Variants in P3H3 observed in about 807,000 individuals in gnomAD.
P3H3 encodes prolyl 3-hydroxylase 3, also known as gene rich cluster, B.
P3H3 carries 64 observed loss-of-function variants against 78.1 expected under a neutral mutation model. The observed-to-expected ratio is 0.82, with a 90% CI of 0.67 to 1.01. P3H3 has a LOEUF of 1.01. P3H3 is among the 50% of genes least tolerant of loss of function. P3H3 has a pLI of 0.00. For synonymous variants in P3H3, 425 were observed against 416.7 expected (o/e 1.02, Z -0.24); for missense variants, 975 against 982.2 (o/e 0.99, Z 0.10).
At position 6,830,706 on chromosome 12, in the gene P3H3, C is replaced by T. The variant is rs1943441664; in HGVS notation, c.921C>T (p.Arg307=). Residue 307 remains arginine, a synonymous_variant, in exon 4 of 15, where the codon CGC becomes CGT. Transcript: ENST00000290510. ...GGGAAACAGCCACACGCCCTGGTCG[C>T]AGCTTCCCTGTCCCAGACTTCCTTC... The part of the protein sequence containing the change: ...CVGETATRPG[R]SFPVPDFLPN... 3 of 1,613,928 alleles carry T rather than the reference C, an allele frequency of 1.9e-6. No individual in the cohort carries two copies. The East Asian group carries it at 6.7e-5, about 36-fold the overall frequency.
intron 2 of P3H3, 43 bp from the exon 3 acceptor site, chr12:6,830,310 A>G: frequency 1.3e-6 from 2 of 1,547,860 alleles, no homozygotes; most frequent in Non-Finnish European, 1.7e-6. Context: ...CCAGTTTGGC[A>G]ACCCCTGGAT....
intron 9 of P3H3, among the ~76,000 whole-genome samples, chr12:6,834,263 G>A (rs986190176): frequency 4.6e-5 from 7 of 152,192 alleles, no homozygotes; most frequent in Non-Finnish European, 7.3e-5. Context: ...GCTAGAAATT[G>A]ATAGGAAGAA....
chr12:6,831,852 C>T lies in P3H3; in HGVS notation c.1150C>T (p.Leu384=), dbSNP rs1565512066. ...EDIQRFILRS[L]GEKRQLYYAM... is the part of the protein sequence containing the mutation. ...CATCCAGCGCTTCATCCTCCGATCC[C>T]TGGGGGAGAAGAGGCAGCTCTACTA... The change falls in exon 6 of 15, where the codon CTG becomes TTG. Residue 384 remains leucine, a synonymous_variant. Coordinates refer to ENST00000290510, the MANE Select transcript of P3H3 (RefSeq NM_014262.5). This position sits in a 1 kb window ranked among gnomAD's most constrained non-coding sequence, Gnocchi z 4.6. 1 of 1,608,810 alleles carries T rather than the reference C, an allele frequency of 6.2e-7. No homozygotes were observed. The highest frequency in any genetic ancestry group is 8.5e-7 in the Non-Finnish European group (1 of 1,176,948).
At position 6,839,621 on chromosome 12, in the gene P3H3, C is replaced by CA; in HGVS notation, c.*161dup. The stretch of plus-strand genomic sequence containing the variant: ...TTGGGGACCTACAAGGGCCTGGACT[C>CA]AGAGGACAGTGCACAGGCTAGCCTG... On this transcript the variant is annotated 3_prime_UTR_variant, in exon 15 of 15. Transcript: ENST00000290510. The CA allele has an allele frequency of 1.1e-6, 1 of 940,896 alleles. No homozygotes were observed. Among genetic ancestry groups the CA allele is most frequent in the Non-Finnish European group, 1.5e-6 (1 of 647,444 alleles). 58.3% of individuals were successfully genotyped at this position (940,896 alleles called of 1,614,324 possible). A position where few individuals can be genotyped will look rare whatever the true frequency, so the allele number is the denominator to read the frequency against.
intron 6 of P3H3, among the ~76,000 whole-genome samples, chr12:6,832,561 C>T (rs1003288243): frequency 7.9e-5 from 12 of 152,138 alleles, no homozygotes; most frequent in East Asian, 3.9e-4. Flanking sequence ...TGCTTGAGAA[C>T]GACTGGCTAA....
chr12:6,830,505 AGAG>A lies in P3H3; in HGVS notation c.810_812del (p.Glu270del). ...CTGAGGAGCAGCAGGGGGCTGAAGA[AGAG>A]GAGGATGGGGCTGCGAGCCAGGGGG... On this transcript the variant is annotated inframe_deletion, in exon 3 of 15. Coordinates refer to ENST00000290510, the MANE Select transcript of P3H3 (RefSeq NM_014262.5). The A allele has an allele frequency of 1.3e-6, 2 of 1,582,980 alleles. No homozygotes were observed. The highest frequency in any genetic ancestry group is 1.7e-6 in the Non-Finnish European group (2 of 1,165,166).
chr12:6,837,613 G>A, intron 11 of P3H3, 40 bp downstream of exon 11: 1 of 1,601,486 alleles, frequency 6.2e-7, no homozygotes, highest in Non-Finnish European at 8.5e-7. Context: ...CCAACCTCAG[G>A]CCCTGCCCCC....
At chr12:6,832,392 G>T (rs1292001099) in intron 6 of P3H3, among the ~76,000 whole-genome samples, 2 of 152,124 alleles carry the variant, frequency 1.3e-5, no homozygotes, top group African/African-American at 4.8e-5. Context: ...ATAATTCTTT[G>T]TTGGGGCAGA....
Position 6,829,742 on chromosome 12 carries a change from A to T in P3H3, c.499-117A>T, listed in dbSNP as rs1555120995. ...GGCGGTTCTGATTGGCCAGTCTTCC[A>T]TGAGGCTCTGGGGCACCCAGAGTGT... On this transcript the variant is annotated intron_variant, in intron 1 of 14. Coordinates refer to ENST00000290510, the MANE Select transcript of P3H3 (RefSeq NM_014262.5). The surrounding 1 kb of genome is among the most constrained non-coding windows in gnomAD (Gnocchi z 5.1). 9.0e-6 allele frequency: 10 copies of T among 1,105,840 alleles called. No individual in the cohort carries two copies. In the East Asian group the frequency reaches 9.5e-5, roughly 10 times the overall value. The allele number at this position is 1,105,840 out of a possible 1,614,324, so 68.5% of individuals were successfully genotyped here.
Position 6,831,214 on chromosome 12 carries a change from A to T in P3H3, c.986-2A>T. ...CCCCTGACCTTGTCGCTCCCTCTCC[A>T]GTGGGCAATCTGTCCCAGGCTATAG... On this transcript the variant is annotated splice_acceptor_variant, in intron 4 of 14. Transcript: ENST00000290510. LOFTEE classifies it high-confidence loss of function. The surrounding 1 kb of genome is among the most constrained non-coding windows in gnomAD (Gnocchi z 4.6). The T allele has an allele frequency of 5.0e-6, 8 of 1,613,560 alleles. No homozygotes were observed. Among genetic ancestry groups the T allele is most frequent in the Non-Finnish European group, 5.9e-6 (7 of 1,179,740 alleles).
In P3H3 at chr12:6,833,969, C is replaced by T; in HGVS notation, c.1378C>T (p.Gln460Ter). ...EGVTLTQDSR[Q>*]LNGSERAVLD... ...TGTGACCTTGACCCAGGATTCCAGGCAGCTGAATGGGTCGGAGCGGGCGGT... is the reference window on the plus strand; with the variant it reads ...TGTGACCTTGACCCAGGATTCCAGGTAGCTGAATGGGTCGGAGCGGGCGGT... The change falls in exon 9 of 15, where the codon CAG (glutamine) becomes TAG (stop). Residue 460 changes from glutamine to a stop codon, truncating the protein, a stop_gained. Coordinates refer to ENST00000290510, the MANE Select transcript of P3H3 (RefSeq NM_014262.5). LOFTEE classifies it high-confidence loss of function. 1 of 1,613,928 alleles carries T rather than the reference C, an allele frequency of 6.2e-7. No individual in the cohort carries two copies. The highest frequency in any genetic ancestry group is 1.1e-5 in the South Asian group (1 of 91,084).
rs782764637 is a variant in P3H3 at position 6,829,864 on chromosome 12, G to A, written c.504G>A (p.Lys168=). 3 of 1,613,990 alleles carry A rather than the reference G, an allele frequency of 1.9e-6. No homozygotes were observed. The Admixed American group carries it at 5.0e-5, about 27-fold the overall frequency. ...TCCTCCCTTCGCCTCCTCAGTTGAA[G>A]AAGCTGGATCTGGCAGCTGCGGCAG... is the stretch of plus-strand genomic sequence containing the variant. ...NYLQRAYYQL[K]KLDLAAAAAH... is the part of the protein sequence containing the mutation. The change falls in exon 2 of 15, where the codon AAG becomes AAA. Residue 168 remains lysine (K), a synonymous_variant. Coordinates refer to ENST00000290510, the MANE Select transcript of P3H3 (RefSeq NM_014262.5). This position sits in a 1 kb window ranked among gnomAD's most constrained non-coding sequence, Gnocchi z 5.1.
At position 6,839,640 on chromosome 12, in the gene P3H3, T is replaced by G; in HGVS notation, c.*179T>G. Reference sequence around the variant, plus strand: ...TGGACTCAGAGGACAGTGCACAGGCTAGCCTGGAGCTCACCAGGCCTGGGG... The same window carrying G: ...TGGACTCAGAGGACAGTGCACAGGCGAGCCTGGAGCTCACCAGGCCTGGGG... On this transcript the variant is annotated 3_prime_UTR_variant, in exon 15 of 15. Transcript: ENST00000290510. 1.2e-6 allele frequency: 1 copy of G among 804,268 alleles called. No homozygotes were observed. The highest frequency in any genetic ancestry group is 1.9e-6 in the Non-Finnish European group (1 of 528,388). 49.8% of individuals were successfully genotyped at this position (804,268 alleles called of 1,614,324 possible). A position where few individuals can be genotyped will look rare whatever the true frequency, so the allele number is the denominator to read the frequency against.
Position 6,839,341 on chromosome 12 carries a change from G to GGAGGAA in P3H3, c.2106_2111dup (p.Glu703_Glu704dup), listed in dbSNP as rs781936046. On this transcript the variant is annotated inframe_insertion, in exon 15 of 15. Transcript: ENST00000290510. ...AACTGCTGCAGGAGTCACAGGAGGA[G>GGAGGAA]GAGGAAGAGGAAGAGGAAGAAATGC... 1.0e-4 allele frequency: 160 copies of GGAGGAA among 1,553,662 alleles called. No individual in the cohort carries two copies. In the South Asian group the frequency reaches 1.3e-3, roughly 12 times the overall value.
intron 9 of P3H3, among the ~76,000 whole-genome samples, chr12:6,834,583 A>G (rs1800333314): frequency 6.6e-6 from 1 of 152,228 alleles, no homozygotes; most frequent in Non-Finnish European, 1.5e-5. Flanking sequence ...GCTCAAGTGT[A>G]GAGGTGGAAA....
Position 6,831,919 on chromosome 12 carries a change from G to T in P3H3, c.1212+5G>T, listed in dbSNP as rs782293732. The T allele has an allele frequency of 3.9e-6, 6 of 1,557,746 alleles. No homozygotes were observed. Among genetic ancestry groups the T allele is most frequent in the Non-Finnish European group, 5.3e-6 (6 of 1,133,234 alleles). ...GGGACCAGCTTCAAGGATCCTGTGA[G>T]TCACTCCACTTCTGCCCATCTCACC... On this transcript the variant is annotated splice_donor_5th_base_variant and intron_variant, in intron 6 of 14. Transcript: ENST00000290510. This position sits in a 1 kb window ranked among gnomAD's most constrained non-coding sequence, Gnocchi z 4.6.
chr12:6,839,514 C>T lies in P3H3; in HGVS notation c.*53C>T. On this transcript the variant is annotated 3_prime_UTR_variant, in exon 15 of 15. Transcript: ENST00000290510. The stretch of plus-strand genomic sequence containing the variant: ...GGCCACTTGACTTGTGGAAGGCCAT[C>T]TTGATGCCAGGACACACAGGAAGCC... The T allele has an allele frequency of 3.9e-6, 6 of 1,533,014 alleles. No homozygotes were observed. The highest frequency in any genetic ancestry group is 5.3e-6 in the Non-Finnish European group (6 of 1,137,492). 95.0% of individuals were successfully genotyped at this position (1,533,014 alleles called of 1,614,324 possible).
Position 6,831,480 on chromosome 12 carries a change from G to C in P3H3, c.1122+128G>C. ...ACTCTAGTCACCCAAAGGACTCCAA[G>C]TCCAGCATCTGACTTCCGTCTCCAC... is the stretch of plus-strand genomic sequence containing the variant. On this transcript the variant is annotated intron_variant, in intron 5 of 14. Coordinates refer to ENST00000290510, the MANE Select transcript of P3H3 (RefSeq NM_014262.5). The surrounding 1 kb of genome is among the most constrained non-coding windows in gnomAD (Gnocchi z 4.6). 7.6e-7 allele frequency: 1 copy of C among 1,316,660 alleles called. No homozygotes were observed. The highest frequency in any genetic ancestry group is 1.4e-5 in the South Asian group (1 of 71,712). The allele number at this position is 1,316,660 out of a possible 1,614,324, so 81.6% of individuals were successfully genotyped here.
rs782802561 is a variant in P3H3, at chr12:6,829,818, C to CT, written c.499-41_499-40insT. On this transcript the variant is annotated intron_variant, in intron 1 of 14. Transcript: ENST00000290510. The surrounding 1 kb of genome is among the most constrained non-coding windows in gnomAD (Gnocchi z 5.1). The stretch of plus-strand genomic sequence containing the variant: ...GGCCAGGGGGCAGAGGTCTGCCCCC[C>CT]GTCCCAGGGCTCTGATGCCCTCCTC... The CT allele has an allele frequency of 6.2e-7, 1 of 1,612,014 alleles. No homozygotes were observed. The highest frequency in any genetic ancestry group is 1.3e-5 in the African/African-American group (1 of 74,994).
Sources: allele counts gnomAD v4.1 joint callset (sites outside exome capture counted in the v4.1 genomes callset), GRCh38; gene constraint gnomAD v4.1.1; non-coding constraint Gnocchi (gnomAD v3.1); transcripts MANE v1.5; gene names NCBI Gene and HGNC (gene_info 2026-07-23, HGNC 2026-07-21).